The following MTTP variants were observed in gnomAD, a reference collection of about 807,000 sequenced individuals.
MTTP encodes microsomal triglyceride transfer protein large subunit.
Under a neutral mutation model 90.6 loss-of-function variants are expected in MTTP, and 49 were observed. The ratio of observed to expected loss-of-function variants is 0.54; its 90% CI spans 0.43 to 0.69. The LOEUF is 0.69. Among genes scored for constraint, MTTP ranks in the 30% least tolerant of loss-of-function variants. The pLI is 0.00. For missense variants in MTTP, 945 were observed against 1,067.5 expected, an observed-to-expected ratio of 0.89 and a Z score of 1.60; for synonymous variants, 347 against 384.2, an observed-to-expected ratio of 0.90 and a Z score of 1.13.
At chr4:99,613,496 A>G (rs1726013833) in intron 15 of MTTP, among the ~76,000 whole-genome samples, 1 of 152,176 alleles carries the variant, frequency 6.6e-6, no homozygotes, top group Non-Finnish European at 1.5e-5. Flanking sequence ...GAGCTGAACT[A>G]TGTGGCCTTA....
chr4:99,606,961 G>T lies in MTTP; in HGVS notation c.1557+1G>T. On this transcript the variant is annotated splice_donor_variant, in intron 11 of 17. Coordinates refer to ENST00000265517, the MANE Select transcript of MTTP (RefSeq NM_001386140.1). LOFTEE classifies it high-confidence loss of function. ...TGATCTCCCTTTCATAACTGATGAG[G>T]TAAAATCTCCAAGAATATTTGCAAC... The T allele has an allele frequency of 6.2e-7, 1 of 1,609,696 alleles. No homozygotes were observed.
chr4:99,575,109 G>C, intron 1 of MTTP, 139 bp downstream of exon 1: 1 of 966,604 alleles, frequency 1.0e-6, no homozygotes, highest in Middle Eastern at 3.2e-4. Flanking sequence ...TGTAACTTTG[G>C]AATGTTTGTG....
At chr4:99,612,825 A>G in intron 14 of MTTP, 88 bp from the exon 15 acceptor site, 1 of 1,279,106 alleles carries the variant, frequency 7.8e-7, no homozygotes, top group Non-Finnish European at 1.1e-6. Flanking sequence ...GCCCCTTGAG[A>G]AGTTCTAGCT....
chr4:99,600,572 C>A lies in MTTP; in HGVS notation c.1075C>A (p.Leu359Met). ...KMENKEVLPQ[L>M]VDAVTSAQTS... The stretch of plus-strand genomic sequence containing the variant: ...TTATGCCTTTTTTTATAGACCTCAG[C>A]TGGTGGATGCTGTCACCTCTGCTCA... The change falls in exon 9 of 18, where the codon CTG (leucine) becomes ATG (methionine). Residue 359 changes from leucine (L) to methionine (M), a missense_variant. Transcript: ENST00000265517. 1 of 1,613,526 alleles carries A rather than the reference C, an allele frequency of 6.2e-7. No individual in the cohort carries two copies. The highest frequency in any genetic ancestry group is 8.5e-7 in the Non-Finnish European group (1 of 1,179,630).
intron 1 of MTTP, among the ~76,000 whole-genome samples, chr4:99,578,375 T>C (rs1725018968): frequency 2.0e-5 from 3 of 152,172 alleles, no homozygotes; most frequent in Admixed American, 2.0e-4. Context: ...AAGTCAACAA[T>C]ATAAATGGGA....
At chr4:99,567,271 C>G (rs1724725178) in intron 1 of MTTP, among the ~76,000 whole-genome samples, 1 of 152,110 alleles carries the variant, frequency 6.6e-6, no homozygotes, top group Non-Finnish European at 1.5e-5. Context: ...CTGATAAAAA[C>G]AGGTAAAGCA....
Position 99,583,406 on chromosome 4 carries a change from G to A in MTTP, c.282G>A (p.Gln94=). The A allele has an allele frequency of 6.2e-7, 1 of 1,613,248 alleles. No individual in the cohort carries two copies. The stretch of plus-strand genomic sequence containing the variant: ...ATGTAAATGTTGAAAATGTGAATCA[G>A]CAGAGAGGAGAGAAGAGCATCTTCA... ...MKDVNVENVN[Q]QRGEKSIFKG... Residue 94 remains glutamine (Q), a synonymous_variant, in exon 3 of 18, where the codon CAG becomes CAA. Transcript: ENST00000265517.
chr4:99,568,052 C>T (rs1452546482), intron 1 of MTTP, among the ~76,000 whole-genome samples: 1 of 151,592 alleles, frequency 6.6e-6, no homozygotes, highest in African/African-American at 2.4e-5. Flanking sequence ...TATTAGAGAA[C>T]CACATAAAAA....
intron 15 of MTTP, among the ~76,000 whole-genome samples, chr4:99,617,018 A>G (rs1264199141): frequency 6.6e-6 from 1 of 152,198 alleles, no homozygotes; most frequent in African/African-American, 2.4e-5. Flanking sequence ...GATGCAAAGA[A>G]AGGAATATTT....
intron 6 of MTTP, 23 bp downstream of exon 6, chr4:99,591,813 AT>A: frequency 1.3e-6 from 2 of 1,576,112 alleles, no homozygotes; most frequent in Non-Finnish European, 8.7e-7. Context: ...TAAAATTTTT[AT>A]TTTCTTTGCT....
At chr4:99,572,516 C>T (rs771942339), upstream of MTTP, among the ~76,000 whole-genome samples, 1 of 151,930 alleles carries the variant, frequency 6.6e-6, no homozygotes, top group Non-Finnish European at 1.5e-5. Flanking sequence ...CCTAATATCA[C>T]TTCAGTAAAT....
intron 1 of MTTP, among the ~76,000 whole-genome samples, chr4:99,576,076 G>A (rs759798275): frequency 2.0e-5 from 3 of 152,032 alleles, no homozygotes; most frequent in Non-Finnish European, 2.9e-5. Context: ...GTAGGTTCTT[G>A]AACTAAAGAA....
intron 8 of MTTP, among the ~76,000 whole-genome samples, chr4:99,599,044 G>A (rs1229854347): frequency 6.6e-6 from 1 of 152,112 alleles, no homozygotes; most frequent in Non-Finnish European, 1.5e-5. Flanking sequence ...TCTATTTATT[G>A]TAGGCTAGTG....
chr4:99,583,185 A>T (rs1427785961), intron 2 of MTTP, among the ~76,000 whole-genome samples, 189 bp from the exon 3 acceptor site: 1 of 152,070 alleles, frequency 6.6e-6, no homozygotes, highest in South Asian at 2.1e-4. Flanking sequence ...TTATTAAAAA[A>T]CCTAGTTTTT....
chr4:99,591,884 G>A, intron 6 of MTTP, 94 bp downstream of exon 6: 1 of 1,163,376 alleles, frequency 8.6e-7, no homozygotes, highest in Middle Eastern at 2.6e-4. Flanking sequence ...GTGTGTGTGT[G>A]TGTGCGCGTG....
chr4:99,622,582 A>G (rs2110239238), intron 17 of MTTP, 95 bp from the exon 18 acceptor site: 1 of 1,367,646 alleles, frequency 7.3e-7, no homozygotes, highest in East Asian at 2.3e-5. Context: ...TTGCTTTGGA[A>G]CAGAAACTTC....
chr4:99,577,358 C>T (rs1263998616), intron 1 of MTTP, among the ~76,000 whole-genome samples: 2 of 151,944 alleles, frequency 1.3e-5, no homozygotes, highest in African/African-American at 4.8e-5. Flanking sequence ...GTAATCCCAG[C>T]GCTTTGGGAG....
intron 7 of MTTP, among the ~76,000 whole-genome samples, chr4:99,596,473 G>T (rs953641323): frequency 5.9e-5 from 9 of 152,134 alleles, no homozygotes; most frequent in African/African-American, 2.2e-4. Context: ...AACTTAGTGT[G>T]TGTGAGAATT....
rs1725369452 is a variant in MTTP at position 99,589,759 on chromosome 4, C to G, written c.501+9C>G. On this transcript the variant is annotated intron_variant, in intron 4 of 17. Transcript: ENST00000265517. Reference sequence around the variant, plus strand: ...CTGGAACCACCAATGAGGTACTTACCAATATTAATAAGGATTCAGCATCTC... The same window carrying G: ...CTGGAACCACCAATGAGGTACTTACGAATATTAATAAGGATTCAGCATCTC... 6.8e-7 allele frequency: 1 copy of G among 1,470,338 alleles called. No homozygotes were observed. Among genetic ancestry groups the G allele is most frequent in the Non-Finnish European group, 9.5e-7 (1 of 1,051,318 alleles). The allele number at this position is 1,470,338 out of a possible 1,614,324, so 91.1% of individuals were successfully genotyped here.
Sources: allele counts gnomAD v4.1 joint callset (sites outside exome capture counted in the v4.1 genomes callset), GRCh38; gene constraint gnomAD v4.1.1; transcripts MANE v1.5; gene names NCBI Gene and HGNC (gene_info 2026-07-23, HGNC 2026-07-21).